The following PDS5B variants were observed in gnomAD, a reference collection of about 807,000 sequenced individuals.
PDS5B encodes PDS5 cohesin associated factor B, also known as sister chromatid cohesion protein PDS5 homolog B.
PDS5B carries 51 observed loss-of-function variants against 184.1 expected under a neutral mutation model. That is an observed-to-expected ratio of 0.28 (90% CI 0.22 to 0.35). PDS5B has a LOEUF of 0.35. Among genes scored for constraint, PDS5B ranks in the 10% least tolerant of loss-of-function variants. The pLI is 1.00. For synonymous variants in PDS5B, 566 were observed against 569.2 expected (o/e 0.99, Z 0.08); for missense variants, 1,180 against 1,723.3 (o/e 0.68, Z 5.58).
At chr13:32,720,545 G>A (rs1952634839) in intron 19 of PDS5B, among the ~76,000 whole-genome samples, 1 of 152,020 alleles carries the variant, frequency 6.6e-6, no homozygotes, top group African/African-American at 2.4e-5. Context: ...GATGTATATG[G>A]TAGTCTCTTA....
At chr13:32,617,014 T>G (rs945823142) in intron 1 of PDS5B, among the ~76,000 whole-genome samples, 34 of 152,342 alleles carry the variant, frequency 2.2e-4, no homozygotes, top group African/African-American at 8.2e-4. Context: ...ATTAATAGTT[T>G]CTCTGACGTT....
At chr13:32,694,062 A>G (rs1951629955) in intron 13 of PDS5B, among the ~76,000 whole-genome samples, 161 bp from the exon 14 acceptor site, 1 of 151,718 alleles carries the variant, frequency 6.6e-6, no homozygotes, top group South Asian at 2.1e-4. Context: ...ATTTGATTCC[A>G]TTCTTTCCCT....
chr13:32,604,546 T>C (rs2058030487), intron 1 of PDS5B, among the ~76,000 whole-genome samples: 2 of 152,188 alleles, frequency 1.3e-5, no homozygotes, highest in Non-Finnish European at 2.9e-5. Flanking sequence ...TTTTTTGTTG[T>C]GTCTCTGCCA....
In PDS5B at chr13:32,777,575, A is replaced by G. The variant is rs531345968; in HGVS notation, c.*2523A>G. The G allele has an allele frequency of 6.6e-6, 1 of 152,472 alleles. No individual in the cohort carries two copies. Among genetic ancestry groups the G allele is most frequent in the Non-Finnish European group, 1.5e-5 (1 of 67,820 alleles). 9.4% of individuals were successfully genotyped at this position (152,472 alleles called of 1,614,324 possible). ...GATAATGTTCATTTTGAAAATATGT[A>G]CTGTATAACATTAAGAAAATATTTA... On this transcript the variant is annotated 3_prime_UTR_variant, in exon 35 of 35. Coordinates refer to ENST00000315596, the MANE Select transcript of PDS5B (RefSeq NM_015032.4).
At chr13:32,733,989 C>A in intron 20 of PDS5B, among the ~76,000 whole-genome samples, 1 of 150,328 alleles carries the variant, frequency 6.7e-6, no homozygotes, top group African/African-American at 2.5e-5. Context: ...AATTAAAACA[C>A]ACACACACAC....
intron 19 of PDS5B, among the ~76,000 whole-genome samples, chr13:32,727,692 A>C (rs933632681): frequency 6.6e-6 from 1 of 152,020 alleles, no homozygotes; most frequent in Non-Finnish European, 1.5e-5. Flanking sequence ...CTGTTTTTGC[A>C]CTGCTTTTAA....
At chr13:32,657,598 GTCA>G (rs1950549034) in intron 3 of PDS5B, among the ~76,000 whole-genome samples, 2 of 152,180 alleles carry the variant, frequency 1.3e-5, no homozygotes, top group South Asian at 4.1e-4. Context: ...GTTTGGTCCT[GTCA>G]TCATGTTGTT....
intron 6 of PDS5B, among the ~76,000 whole-genome samples, chr13:32,664,373 T>C (rs1261305359): frequency 1.3e-5 from 2 of 152,246 alleles, no homozygotes; most frequent in Non-Finnish European, 2.9e-5. Context: ...AATTTTCATT[T>C]GTAGCTTTAA....
In PDS5B at chr13:32,694,250, A is replaced by G. The variant is rs989093163; in HGVS notation, c.1497A>G (p.Gln499=). ...VKALNEMWKC[Q]NLLRHQVKDL... is the part of the protein sequence containing the mutation. ...CATTGAATGAAATGTGGAAATGTCA[A>G]AATCTGCTCCGACATCAAGTAAAGG... The change falls in exon 14 of 35, where the codon CAA becomes CAG. Residue 499 remains glutamine, a synonymous_variant. Coordinates refer to ENST00000315596, the MANE Select transcript of PDS5B (RefSeq NM_015032.4). 1.9e-6 allele frequency: 3 copies of G among 1,604,184 alleles called. No homozygotes were observed. The highest frequency in any genetic ancestry group is 1.7e-5 in the Admixed American group (1 of 58,024).
At chr13:32,728,647 A>G (rs1952993844) in intron 19 of PDS5B, among the ~76,000 whole-genome samples, 1 of 152,116 alleles carries the variant, frequency 6.6e-6, no homozygotes, top group South Asian at 2.1e-4. Context: ...GGTCATTTGT[A>G]CTACAGCCTA....
intron 3 of PDS5B, among the ~76,000 whole-genome samples, chr13:32,656,273 C>CT (rs71071057): frequency 0.16 from 15,272 of 96,750 alleles, 1,647 homozygotes; most frequent in East Asian, 0.24. Context: ...TCTCCAGCTT[C>CT]TTTTTTTTTT....
intron 34 of PDS5B, 138 bp downstream of exon 34, chr13:32,773,462 G>T: frequency 1.4e-6 from 1 of 738,390 alleles, no homozygotes; most frequent in Non-Finnish European, 2.2e-6. Context: ...TACCAGGTTG[G>T]ATAATGGAGA....
intron 1 of PDS5B, among the ~76,000 whole-genome samples, chr13:32,626,809 A>G (rs2058377108): frequency 6.6e-6 from 1 of 152,228 alleles, no homozygotes; most frequent in South Asian, 2.1e-4. Context: ...TTTTAGTTAG[A>G]TACAAGTAGC....
intron 19 of PDS5B, among the ~76,000 whole-genome samples, chr13:32,729,405 A>G (rs1035387739): frequency 3.0e-4 from 45 of 152,186 alleles, no homozygotes; most frequent in African/African-American, 1.1e-3. Flanking sequence ...TGCAGTAAAC[A>G]TATGTGTGCA....
At chr13:32,722,137 T>A (rs1242783199) in intron 19 of PDS5B, among the ~76,000 whole-genome samples, 1 of 152,192 alleles carries the variant, frequency 6.6e-6, no homozygotes, top group Admixed American at 6.5e-5. Flanking sequence ...GGCAGATCAC[T>A]TGAGGTCAGG....
At position 32,745,894 on chromosome 13, in the gene PDS5B, A is replaced by G. The variant is rs139252660; in HGVS notation, c.2613-83A>G. ...TTTTTTTTAAACTTTTTTGTGCCAG[A>G]ATTTTTAATAAAATTAGATGTACAG... is the stretch of plus-strand genomic sequence containing the variant. On this transcript the variant is annotated intron_variant, in intron 23 of 34. Coordinates refer to ENST00000315596, the MANE Select transcript of PDS5B (RefSeq NM_015032.4). The G allele has an allele frequency of 3.4e-5, 40 of 1,189,294 alleles. No homozygotes were observed. The African/African-American group carries it at 5.3e-4, about 16-fold the overall frequency. 73.7% of individuals were successfully genotyped at this position (1,189,294 alleles called of 1,614,324 possible).
chr13:32,596,419 G>C (rs7999995), intron 1 of PDS5B, among the ~76,000 whole-genome samples: 5,828 of 152,214 alleles, frequency 0.038, 348 homozygotes, highest in African/African-American at 0.13. Context: ...ATCTTCTGTT[G>C]ATGGACATTT....
chr13:32,724,308 G>A (rs1952820986), intron 19 of PDS5B, among the ~76,000 whole-genome samples: 1 of 151,948 alleles, frequency 6.6e-6, no homozygotes, highest in Admixed American at 6.6e-5. Context: ...TAGAGATGGA[G>A]TCTCTCATTA....
intron 1 of PDS5B, among the ~76,000 whole-genome samples, chr13:32,629,442 T>A (rs561284888): frequency 6.6e-6 from 1 of 152,168 alleles, no homozygotes; most frequent in African/African-American, 2.4e-5. Context: ...ATACTTTAAG[T>A]ACTTTGAATT....
Sources: gnomAD v4.1 joint callset for allele counts (sites outside exome capture counted in the v4.1 genomes callset) on GRCh38, gnomAD v4.1.1 for gene constraint, MANE v1.5 for transcripts, NCBI Gene and HGNC (gene_info 2026-07-23, HGNC 2026-07-21) for gene names.